The following COL8A1 variants were observed in gnomAD, a reference collection of about 807,000 sequenced individuals.
The protein encoded by COL8A1 is collagen alpha-1(VIII) chain.
COL8A1 carries 21 observed loss-of-function variants against 42.7 expected under a neutral mutation model. The observed-to-expected ratio is 0.49, with a 90% CI of 0.35 to 0.71. The LOEUF (loss-of-function observed/expected upper bound fraction) is 0.71, where lower values mean the gene tolerates loss of function less well. Among genes scored for constraint, COL8A1 ranks in the 30% least tolerant of loss-of-function variants. COL8A1 has a pLI of 0.01. For missense variants in COL8A1, 788 were observed against 962.4 expected (o/e 0.82, Z 2.40); for synonymous variants, 367 against 369.1 (o/e 0.99, Z 0.06).
intron 1 of COL8A1, among the ~76,000 whole-genome samples, chr3:99,647,567 C>T (rs570184468): frequency 1.1e-3 from 174 of 152,158 alleles, no homozygotes; most frequent in Admixed American, 2.3e-3. Context: ...TTGTCTCTTC[C>T]TTTCCATCCC....
chr3:99,666,164 G>A (rs780651116), intron 1 of COL8A1, among the ~76,000 whole-genome samples: 1 of 152,122 alleles, frequency 6.6e-6, no homozygotes, highest in African/African-American at 2.4e-5. Flanking sequence ...ACCTTCACAA[G>A]GTTCTTGGCT....
chr3:99,677,134 C>T (rs1318354532), intron 1 of COL8A1, among the ~76,000 whole-genome samples: 1 of 151,088 alleles, frequency 6.6e-6, no homozygotes, highest in East Asian at 1.9e-4. Context: ...TATATATAAA[C>T]ACATCAATTA....
intron 1 of COL8A1, among the ~76,000 whole-genome samples, chr3:99,697,772 C>T (rs1036405378): frequency 5.9e-5 from 9 of 152,352 alleles, no homozygotes; most frequent in African/African-American, 9.6e-5. Flanking sequence ...AGCATTTCTT[C>T]TTCACTTCCT....
chr3:99,713,349 T>C (rs2107359833), intron 1 of COL8A1, among the ~76,000 whole-genome samples: 1 of 152,222 alleles, frequency 6.6e-6, no homozygotes, highest in Non-Finnish European at 1.5e-5. Flanking sequence ...TCTTTAAATT[T>C]TAAGATGGAA....
chr3:99,684,807 C>T (rs1012656329), intron 1 of COL8A1, among the ~76,000 whole-genome samples: 7 of 152,012 alleles, frequency 4.6e-5, no homozygotes, highest in Admixed American at 6.6e-5. Flanking sequence ...GAAGAAGAGG[C>T]GGTACAAGAA....
At chr3:99,662,476 G>T (rs1938238599) in intron 1 of COL8A1, among the ~76,000 whole-genome samples, 2 of 152,128 alleles carry the variant, frequency 1.3e-5, no homozygotes, top group South Asian at 2.1e-4. Context: ...AATAGCCATT[G>T]TGTAGAATCC....
At chr3:99,698,716 G>T (rs1263551313) in intron 1 of COL8A1, among the ~76,000 whole-genome samples, 1 of 152,188 alleles carries the variant, frequency 6.6e-6, no homozygotes, top group Non-Finnish European at 1.5e-5. Flanking sequence ...ATCTGAAATT[G>T]CTCTGTGTAT....
chr3:99,718,295 G>A (rs993747632), intron 1 of COL8A1, among the ~76,000 whole-genome samples: 1 of 152,000 alleles, frequency 6.6e-6, no homozygotes, highest in Non-Finnish European at 1.5e-5. Context: ...TTACCAAATT[G>A]TTGTGGAGCA....
intron 1 of COL8A1, among the ~76,000 whole-genome samples, chr3:99,735,074 T>G (rs1246848545): frequency 6.6e-6 from 1 of 150,680 alleles, no homozygotes; most frequent in Non-Finnish European, 1.5e-5. Context: ...GTTTTCTAGA[T>G]ATACAATCAT....
At chr3:99,714,882 T>G (rs1347296120) in intron 1 of COL8A1, among the ~76,000 whole-genome samples, 1 of 152,096 alleles carries the variant, frequency 6.6e-6, no homozygotes, top group Non-Finnish European at 1.5e-5. Flanking sequence ...GGAAAGCCCC[T>G]CTGAGGAAAT....
chr3:99,737,969 ATTCAT>A (rs1269787805), intron 1 of COL8A1, among the ~76,000 whole-genome samples: 1 of 150,978 alleles, frequency 6.6e-6, no homozygotes, highest in African/African-American at 2.4e-5. Flanking sequence ...GCTTCATTTC[ATTCAT>A]TTCATCTTCC....
intron 1 of COL8A1, among the ~76,000 whole-genome samples, chr3:99,700,337 C>T (rs1445517495): frequency 1.3e-5 from 2 of 151,796 alleles, no homozygotes; most frequent in African/African-American, 4.8e-5. Context: ...AAATGGTGTG[C>T]TCCGGGTTTC....
intron 1 of COL8A1, among the ~76,000 whole-genome samples, chr3:99,684,285 A>C (rs973392211): frequency 6.6e-6 from 1 of 152,308 alleles, no homozygotes; most frequent in African/African-American, 2.4e-5. Flanking sequence ...TATATCCCTA[A>C]AAACAATCTT....
At chr3:99,669,560 G>A (rs1192247874) in intron 1 of COL8A1, among the ~76,000 whole-genome samples, 1 of 151,916 alleles carries the variant, frequency 6.6e-6, no homozygotes, top group Admixed American at 6.6e-5. Flanking sequence ...AGAAACTAAG[G>A]CTCAGAGATA....
intron 1 of COL8A1, among the ~76,000 whole-genome samples, chr3:99,696,866 T>G (rs1309585675): frequency 3.3e-5 from 5 of 152,314 alleles, no homozygotes; most frequent in South Asian, 2.1e-4. Context: ...TTGTCATACT[T>G]TCACCACCAA....
intron 1 of COL8A1, among the ~76,000 whole-genome samples, chr3:99,672,843 T>C (rs151326165): frequency 1.1e-4 from 16 of 152,168 alleles, no homozygotes; most frequent in African/African-American, 3.9e-4. Context: ...TTTGGAGTAG[T>C]TCTCCATTTT....
chr3:99,701,098 C>T (rs1939524091), intron 1 of COL8A1, among the ~76,000 whole-genome samples: 1 of 152,206 alleles, frequency 6.6e-6, no homozygotes, highest in South Asian at 2.1e-4. Flanking sequence ...GACCAGAGGT[C>T]ACTCACAGCT....
intron 1 of COL8A1, among the ~76,000 whole-genome samples, chr3:99,705,863 C>T (rs997532566): frequency 6.6e-6 from 1 of 152,130 alleles, no homozygotes; most frequent in Non-Finnish European, 1.5e-5. Flanking sequence ...CCAAGTTTAA[C>T]ATTTTCCCAG....
chr3:99,680,797 A>T (rs1938852129), intron 1 of COL8A1, among the ~76,000 whole-genome samples: 1 of 152,188 alleles, frequency 6.6e-6, no homozygotes, highest in Non-Finnish European at 1.5e-5. Flanking sequence ...AGAGATATAG[A>T]CCAATGGAAC....
Sources: gnomAD v4.1 joint callset for allele counts (sites outside exome capture counted in the v4.1 genomes callset) on GRCh38, gnomAD v4.1.1 for gene constraint, MANE v1.5 for transcripts, NCBI Gene and HGNC (gene_info 2026-07-23, HGNC 2026-07-21) for gene names.